Variants in EXOC4 observed in about 807,000 individuals in gnomAD.
The protein encoded by EXOC4 is exocyst complex component 4.
Under a neutral mutation model 107.2 loss-of-function variants are expected in EXOC4, and 71 were observed. The observed-to-expected ratio is 0.66, with a 90% CI of 0.55 to 0.81. The LOEUF (loss-of-function observed/expected upper bound fraction) is 0.81. Among genes scored for constraint, EXOC4 ranks in the 30% least tolerant of loss-of-function variants. The probability of loss-of-function intolerance (pLI) is 0.00; values close to 1 mark genes in which losing one functional copy is unlikely to be tolerated. For missense variants in EXOC4, 1,108 were observed against 1,189.6 expected (o/e 0.93, Z 1.01); for synonymous variants, 456 against 441.2 (o/e 1.03, Z -0.42).
chr7:133,589,310 C>A (rs35176962), intron 9 of EXOC4, among the ~76,000 whole-genome samples: 94,573 of 152,022 alleles, frequency 0.62, 30,489 homozygotes, highest in South Asian at 0.73. Flanking sequence ...CGTTCTTTGG[C>A]CCTCTAGAAA....
chr7:133,839,421 A>G (rs1019013194), intron 11 of EXOC4, among the ~76,000 whole-genome samples: 7 of 152,244 alleles, frequency 4.6e-5, no homozygotes, highest in African/African-American at 1.7e-4. Flanking sequence ...TACTGTAATG[A>G]GATAATGACA....
chr7:133,502,547 C>T (rs1584962557), intron 9 of EXOC4, among the ~76,000 whole-genome samples: 1 of 152,042 alleles, frequency 6.6e-6, no homozygotes, highest in East Asian at 1.9e-4. Context: ...TGGGGGGAGT[C>T]TGCTTCTTTT....
chr7:134,023,916 G>T (rs780752135), intron 17 of EXOC4, among the ~76,000 whole-genome samples: 1 of 152,170 alleles, frequency 6.6e-6, no homozygotes, highest in Non-Finnish European at 1.5e-5. Flanking sequence ...AGTCCCTAAG[G>T]CCTGTCTAGG....
At chr7:134,050,237 A>G (rs1271941732) in intron 17 of EXOC4, among the ~76,000 whole-genome samples, 2 of 152,186 alleles carry the variant, frequency 1.3e-5, no homozygotes, top group African/African-American at 4.8e-5. Flanking sequence ...CTATATGCTT[A>G]TTTTGTACCA....
chr7:133,566,320 T>G (rs972714843), intron 9 of EXOC4, among the ~76,000 whole-genome samples: 1 of 152,310 alleles, frequency 6.6e-6, no homozygotes, highest in East Asian at 1.9e-4. Flanking sequence ...TAGAGAGTGA[T>G]TATTTCATGG....
At chr7:133,729,546 A>G (rs1193924736) in intron 10 of EXOC4, among the ~76,000 whole-genome samples, 3 of 152,096 alleles carry the variant, frequency 2.0e-5, no homozygotes, top group South Asian at 2.1e-4. Context: ...TTCACTGCAT[A>G]TTAGGGAGCA....
chr7:133,508,204 T>G (rs1469251932), intron 9 of EXOC4, among the ~76,000 whole-genome samples: 1 of 152,174 alleles, frequency 6.6e-6, no homozygotes, highest in Non-Finnish European at 1.5e-5. Context: ...GTCTTTTCAA[T>G]GAAAGAAATG....
chr7:133,842,893 G>A, intron 11 of EXOC4, among the ~76,000 whole-genome samples: 1 of 152,136 alleles, frequency 6.6e-6, no homozygotes, highest in East Asian at 1.9e-4. Flanking sequence ...TTATCGAATA[G>A]GGAGTCCATT....
At chr7:133,981,900 A>T (rs1793988726) in intron 14 of EXOC4, among the ~76,000 whole-genome samples, 1 of 152,272 alleles carries the variant, frequency 6.6e-6, no homozygotes, top group African/African-American at 2.4e-5. Context: ...TGGTCCATAT[A>T]TACCATGGTA....
chr7:133,775,293 T>G (rs1380789031), intron 10 of EXOC4, among the ~76,000 whole-genome samples: 5 of 152,134 alleles, frequency 3.3e-5, no homozygotes, highest in African/African-American at 1.2e-4. Context: ...CCTTCATGTG[T>G]TAGGCTTTGT....
chr7:133,391,688 A>G (rs926929911), intron 7 of EXOC4, among the ~76,000 whole-genome samples: 1 of 152,246 alleles, frequency 6.6e-6, no homozygotes, highest in Non-Finnish European at 1.5e-5. Flanking sequence ...ATTAGTTGGC[A>G]TTAGTTTAGT....
rs147377237 is a variant in EXOC4, at chr7:133,839,070, C to T, written c.1734+21526C>T. ...ATTCATGGTATACCTAGGTATTATG[C>T]AAGAAAAATTTTAAGTCAATTAACA... On this transcript the variant is annotated intron_variant, in intron 11 of 17. Transcript: ENST00000253861. 4.2e-3 allele frequency among the ~76,000 whole-genome samples: 636 copies of T among 152,254 alleles called. 6 individuals are homozygous for T. Among genetic ancestry groups the T allele is most frequent in the Middle Eastern group, 0.017 (5 of 294 alleles).
chr7:133,835,391 A>G (rs1005920909), intron 11 of EXOC4, among the ~76,000 whole-genome samples: 2 of 152,230 alleles, frequency 1.3e-5, no homozygotes, highest in African/African-American at 4.8e-5. Context: ...TGTAAGATGT[A>G]CATTGGTTTG....
intron 9 of EXOC4, among the ~76,000 whole-genome samples, chr7:133,558,309 A>C (rs1563107552): frequency 6.7e-6 from 1 of 149,380 alleles, no homozygotes; most frequent in African/African-American, 2.5e-5. Context: ...ATCCTGTGAA[A>C]TATGTAAGAG....
intron 10 of EXOC4, among the ~76,000 whole-genome samples, chr7:133,703,444 T>A (rs141125972): frequency 1.8e-3 from 273 of 152,322 alleles, no homozygotes; most frequent in Non-Finnish European, 3.0e-3. Context: ...TGATGAGAAT[T>A]TCTGCTGGAG....
chr7:133,681,911 T>C (rs1042046059), intron 10 of EXOC4, among the ~76,000 whole-genome samples: 37 of 152,104 alleles, frequency 2.4e-4, no homozygotes, highest in African/African-American at 8.9e-4. Context: ...CCATTATTAT[T>C]ATTATTATTA....
At chr7:133,555,257 T>G (rs901244403) in intron 9 of EXOC4, among the ~76,000 whole-genome samples, 3 of 152,224 alleles carry the variant, frequency 2.0e-5, no homozygotes, top group Non-Finnish European at 4.4e-5. Flanking sequence ...GTTAGCGATG[T>G]GTTAACTATT....
At chr7:133,351,836 C>G (rs1349222992) in intron 5 of EXOC4, among the ~76,000 whole-genome samples, 1 of 151,516 alleles carries the variant, frequency 6.6e-6, no homozygotes, top group African/African-American at 2.4e-5. Context: ...TCCTTTTTTG[C>G]TGTTTTTCCT....
chr7:133,563,763 A>G (rs1800854599), intron 9 of EXOC4, among the ~76,000 whole-genome samples: 1 of 152,226 alleles, frequency 6.6e-6, no homozygotes, highest in African/African-American at 2.4e-5. Context: ...GCTTTAAAAC[A>G]TACAATTCAA....
Sources: allele counts gnomAD v4.1 joint callset (sites outside exome capture counted in the v4.1 genomes callset), GRCh38; gene constraint gnomAD v4.1.1; transcripts MANE v1.5; gene names NCBI Gene and HGNC (gene_info 2026-07-23, HGNC 2026-07-21).